CRHR1: variants seen among roughly 807,000 people sequenced by gnomAD.
CRHR1 encodes the protein corticotropin-releasing hormone receptor 1.
Under a neutral mutation model 56.0 loss-of-function variants are expected in CRHR1, and 28 were observed. The observed-to-expected ratio is 0.50, with a 90% CI of 0.37 to 0.69. The LOEUF is 0.69. CRHR1 is among the 30% of genes least tolerant of loss of function. CRHR1 has a pLI of 0.00. For synonymous variants in CRHR1, 195 were observed against 216.5 expected (o/e 0.90, Z 0.87); for missense variants, 376 against 548.0 (o/e 0.69, Z 3.13).
At chr17:45,793,073 G>A (rs556724914) in intron 1 of CRHR1, among the ~76,000 whole-genome samples, 21 of 152,360 alleles carry the variant, frequency 1.4e-4, no homozygotes, top group African/African-American at 4.3e-4. Flanking sequence ...GTGTGGAAGT[G>A]CTATGGCGAC....
chr17:45,808,687 C>G (rs1019060961), intron 2 of CRHR1, among the ~76,000 whole-genome samples: 5 of 152,202 alleles, frequency 3.3e-5, no homozygotes, highest in Admixed American at 2.6e-4. Context: ...CTCACTCTAT[C>G]ACCTAGGCTG....
chr17:45,824,495 C>T lies in CRHR1; in HGVS notation c.327+3055C>T, dbSNP rs549202223. Reference sequence around the variant, plus strand: ...GCTGATGGGGACACTCGGCAGCCCCCATTTTCCCCAGCACCCTTCAAAGGC... The same window carrying T: ...GCTGATGGGGACACTCGGCAGCCCCTATTTTCCCCAGCACCCTTCAAAGGC... On this transcript the variant is annotated intron_variant, in intron 4 of 12. Coordinates refer to ENST00000314537, the MANE Select transcript of CRHR1 (RefSeq NM_004382.5). 6.7e-4 allele frequency among the ~76,000 whole-genome samples: 102 copies of T among 152,274 alleles called. 2 individuals carry two copies. The highest frequency in any genetic ancestry group is 3.7e-3 in the Admixed American group (56 of 15,296).
intron 4 of CRHR1, chr17:45,827,897 A>C (rs1339502889): frequency 6.6e-6 from 1 of 152,258 alleles, no homozygotes; most frequent in Non-Finnish European, 1.5e-5. Flanking sequence ...CTTGGTGGCC[A>C]GTAGCTCCTT....
intron 1 of CRHR1, among the ~76,000 whole-genome samples, chr17:45,804,499 G>A (rs2061684230): frequency 6.6e-6 from 1 of 152,108 alleles, no homozygotes; most frequent in Admixed American, 6.5e-5. Flanking sequence ...CTTCATCATC[G>A]GGACAGGACT....
chr17:45,828,687 A>C (rs758906733), intron 4 of CRHR1, among the ~76,000 whole-genome samples: 1 of 152,220 alleles, frequency 6.6e-6, no homozygotes, highest in Non-Finnish European at 1.5e-5. Context: ...GATTCTGTGG[A>C]TGCCAGAGCC....
chr17:45,833,691 C>A (rs770224622), intron 10 of CRHR1, 23 bp from the exon 11 acceptor site: 11 of 1,585,068 alleles, frequency 6.9e-6, no homozygotes, highest in Non-Finnish European at 9.5e-6. Flanking sequence ...TGACTCCGAG[C>A]CTCCCCACCC....
rs140181696 is a variant in CRHR1, at chr17:45,786,237, G to A, written c.33+1660G>A. Among the ~76,000 whole-genome samples, 520 of 149,928 alleles carry A rather than the reference G, an allele frequency of 3.5e-3. 6 individuals are homozygous for A. The highest frequency in any genetic ancestry group is 0.027 in the Admixed American group (400 of 14,842). On this transcript the variant is annotated intron_variant, in intron 1 of 12. Transcript: ENST00000314537. ...GAATGATCATGTTTTCCTTAAAAAAGTCTTTTTATTTCCTTTGTTCCTACT... is the reference window on the plus strand; with the variant it reads ...GAATGATCATGTTTTCCTTAAAAAAATCTTTTTATTTCCTTTGTTCCTACT...
intron 2 of CRHR1, among the ~76,000 whole-genome samples, chr17:45,808,231 C>T (rs895847202): frequency 6.6e-6 from 1 of 152,218 alleles, no homozygotes; most frequent in African/African-American, 2.4e-5. Flanking sequence ...AAGAAACAGA[C>T]GCAAGTGTCT....
intron 8 of CRHR1, 120 bp from the exon 9 acceptor site, chr17:45,833,018 T>C (rs1166204625): frequency 2.0e-5 from 17 of 836,204 alleles, no homozygotes; most frequent in Admixed American, 1.5e-4. Context: ...AGGGTTGGAA[T>C]TGGGACATCT....
intron 1 of CRHR1, among the ~76,000 whole-genome samples, chr17:45,789,110 G>T (rs188620839): frequency 2.0e-5 from 3 of 152,132 alleles, no homozygotes; most frequent in Non-Finnish European, 4.4e-5. Context: ...CGCTTTTGCC[G>T]TGTCTGGAGG....
intron 2 of CRHR1, among the ~76,000 whole-genome samples, chr17:45,810,979 C>G (rs1338468618): frequency 6.6e-6 from 1 of 152,274 alleles, no homozygotes; most frequent in Non-Finnish European, 1.5e-5. Context: ...GCTGCTCCCC[C>G]TCTGGACAGC....
intron 1 of CRHR1, among the ~76,000 whole-genome samples, chr17:45,805,374 G>A (rs1598412825): frequency 6.6e-6 from 1 of 152,090 alleles, no homozygotes; most frequent in African/African-American, 2.4e-5. Context: ...CGTGCTGCCT[G>A]GGCTGGCCAC....
intron 2 of CRHR1, among the ~76,000 whole-genome samples, chr17:45,808,865 GC>G (rs2061767586): frequency 6.6e-6 from 1 of 152,236 alleles, no homozygotes; most frequent in Non-Finnish European, 1.5e-5. Flanking sequence ...AGGCTGGAGT[GC>G]AGTGGCACAA....
At position 45,833,991 on chromosome 17, in the gene CRHR1, C is replaced by T; in HGVS notation, c.1066-16C>T. 6.2e-7 allele frequency: 1 copy of T among 1,613,966 alleles called. No homozygotes were observed. The highest frequency in any genetic ancestry group is 2.2e-5 in the East Asian group (1 of 44,870). Reference sequence around the variant, plus strand: ...CACCTGCAGCCGACCTTTGACGCCTCCTCTCTCCTCCCCAGGGCTTCTTTG... The same window carrying T: ...CACCTGCAGCCGACCTTTGACGCCTTCTCTCTCCTCCCCAGGGCTTCTTTG... On this transcript the variant is annotated splice_polypyrimidine_tract_variant and intron_variant, in intron 11 of 12. Transcript: ENST00000314537.
intron 4 of CRHR1, among the ~76,000 whole-genome samples, chr17:45,828,392 C>T (rs983596947): frequency 6.6e-6 from 1 of 152,218 alleles, no homozygotes; most frequent in Non-Finnish European, 1.5e-5. Flanking sequence ...GATGCCTTTC[C>T]GGCTCCCCCC....
chr17:45,795,194 C>T (rs1013382304), intron 1 of CRHR1, among the ~76,000 whole-genome samples: 3 of 152,188 alleles, frequency 2.0e-5, no homozygotes, highest in Non-Finnish European at 4.4e-5. Flanking sequence ...CTGACTGATC[C>T]AAGGTCGCAC....
chr17:45,819,270 C>T (rs1487055368), intron 3 of CRHR1, among the ~76,000 whole-genome samples: 1 of 152,230 alleles, frequency 6.6e-6, no homozygotes, highest in African/African-American at 2.4e-5. Context: ...GATGTAGGAG[C>T]TGCTATTCAG....
chr17:45,803,782 G>A lies in CRHR1; in HGVS notation c.34-3228G>A, dbSNP rs73984615. Among the ~76,000 whole-genome samples the A allele has an allele frequency of 8.4e-3, 1,279 of 152,238 alleles. 21 individuals carry two copies. Among genetic ancestry groups the A allele is most frequent in the African/African-American group, 0.03 (1,232 of 41,536 alleles). ...CGTGTGTGTGTGTGTGTGTGCGTGCGCGTGCGCGTGTGTGCATGTGTGTGT... is the reference window on the plus strand; with the variant it reads ...CGTGTGTGTGTGTGTGTGTGCGTGCACGTGCGCGTGTGTGCATGTGTGTGT... On this transcript the variant is annotated intron_variant, in intron 1 of 12. Transcript: ENST00000314537.
chr17:45,791,398 C>T (rs554603218), intron 1 of CRHR1, among the ~76,000 whole-genome samples: 1 of 152,206 alleles, frequency 6.6e-6, no homozygotes, highest in African/African-American at 2.4e-5. Flanking sequence ...CCCAAGGGCT[C>T]GCTCAGGGTG....
Sources: allele counts gnomAD v4.1 joint callset (sites outside exome capture counted in the v4.1 genomes callset), GRCh38; gene constraint gnomAD v4.1.1; transcripts MANE v1.5; gene names NCBI Gene and HGNC (gene_info 2026-07-23, HGNC 2026-07-21).